Variants in PPM1E observed in about 807,000 individuals in gnomAD.
PPM1E encodes protein phosphatase, Mg2+/Mn2+ dependent 1E.
PPM1E carries 20 observed loss-of-function variants against 65.9 expected under a neutral mutation model. The ratio of observed to expected loss-of-function variants is 0.30; its 90% CI spans 0.21 to 0.44. PPM1E has a LOEUF of 0.44. Ranked by LOEUF, PPM1E falls within the 20% of genes least tolerant of loss-of-function variation. PPM1E has a pLI of 1.00. For missense variants in PPM1E, 713 were observed against 953.1 expected (o/e 0.75, Z 3.32); for synonymous variants, 352 against 374.9 (o/e 0.94, Z 0.70).
intron 1 of PPM1E, among the ~76,000 whole-genome samples, chr17:58,947,621 G>A (rs1033800738): frequency 1.3e-5 from 2 of 149,104 alleles, no homozygotes; most frequent in Non-Finnish European, 3.0e-5. Flanking sequence ...CTACTATCTC[G>A]GTTCTCCTTT....
At chr17:58,870,312 C>T (rs1327985429) in intron 1 of PPM1E, among the ~76,000 whole-genome samples, 3 of 152,222 alleles carry the variant, frequency 2.0e-5, no homozygotes, top group African/African-American at 7.2e-5. Flanking sequence ...TTGAAAATAG[C>T]TCTCCCAGTT....
intron 1 of PPM1E, among the ~76,000 whole-genome samples, chr17:58,858,485 A>C (rs967498172): frequency 2.6e-5 from 4 of 151,772 alleles, no homozygotes; most frequent in African/African-American, 9.7e-5. Context: ...CTCAGCCTCT[A>C]ATATTTTCTG....
chr17:58,761,707 A>C (rs2049822813), intron 1 of PPM1E, among the ~76,000 whole-genome samples: 1 of 152,176 alleles, frequency 6.6e-6, no homozygotes, highest in South Asian at 2.1e-4. Flanking sequence ...GCCTTTGCTT[A>C]CCGTCCTCAC....
intron 1 of PPM1E, among the ~76,000 whole-genome samples, chr17:58,915,178 C>A (rs2065220344): frequency 6.6e-6 from 1 of 152,112 alleles, no homozygotes; most frequent in South Asian, 2.1e-4. Flanking sequence ...GAATGACTAC[C>A]CCATAGACAG....
At chr17:58,964,009 TA>T (rs951876808) in intron 2 of PPM1E, among the ~76,000 whole-genome samples, 3 of 152,244 alleles carry the variant, frequency 2.0e-5, no homozygotes, top group African/African-American at 7.2e-5. Context: ...TATAGCCATT[TA>T]AAAAATAATT....
chr17:58,812,631 G>A (rs1411947324), intron 1 of PPM1E, among the ~76,000 whole-genome samples: 5 of 152,120 alleles, frequency 3.3e-5, no homozygotes, highest in Admixed American at 1.3e-4. Context: ...TTGGTTCACT[G>A]CAACCTCCTC....
intron 1 of PPM1E, among the ~76,000 whole-genome samples, chr17:58,805,974 C>CAAAAAAAAAAAAAAAAAAAAAAAA (rs1341289870): frequency 2.7e-5 from 2 of 74,018 alleles, no homozygotes; most frequent in Admixed American, 1.5e-4. Flanking sequence ...AAAAAAAAAA[C>CAAAAAAAAAAAAAAAAAAAAAAAA]AAAAAAAAAA....
At chr17:58,870,701 G>A (rs2051059696) in intron 1 of PPM1E, among the ~76,000 whole-genome samples, 1 of 152,058 alleles carries the variant, frequency 6.6e-6, no homozygotes, top group Non-Finnish European at 1.5e-5. Flanking sequence ...ACTGTAATTT[G>A]GGGTCATTGC....
chr17:58,949,649 A>G (rs908143425), intron 1 of PPM1E, among the ~76,000 whole-genome samples: 1 of 151,954 alleles, frequency 6.6e-6, no homozygotes, highest in African/African-American at 2.4e-5. Flanking sequence ...TTCTGTAGTG[A>G]TAAGATTATT....
intron 2 of PPM1E, among the ~76,000 whole-genome samples, chr17:58,964,967 C>T (rs1444140365): frequency 1.3e-5 from 2 of 151,662 alleles, no homozygotes; most frequent in African/African-American, 4.8e-5. Context: ...ATCACTTGAA[C>T]CCAGGAGGCG....
intron 1 of PPM1E, among the ~76,000 whole-genome samples, chr17:58,929,960 A>T (rs2051870927): frequency 6.6e-6 from 1 of 152,144 alleles, no homozygotes; most frequent in African/African-American, 2.4e-5. Context: ...TAAAAATGAG[A>T]TACACTGTCA....
intron 5 of PPM1E, 128 bp from the exon 6 acceptor site, chr17:58,972,704 C>G: frequency 1.2e-6 from 1 of 827,232 alleles, no homozygotes. Context: ...CTGTGCCCAC[C>G]CTCCAATGGA....
chr17:58,793,727 A>G (rs2050178990), intron 1 of PPM1E, among the ~76,000 whole-genome samples: 1 of 152,180 alleles, frequency 6.6e-6, no homozygotes, highest in Non-Finnish European at 1.5e-5. Flanking sequence ...TAAATTTTAC[A>G]TTAAATACAA....
intron 1 of PPM1E, among the ~76,000 whole-genome samples, chr17:58,772,972 CTCTT>C (rs1018522578): frequency 2.7e-4 from 28 of 104,398 alleles, no homozygotes; most frequent in African/African-American, 8.0e-4. Flanking sequence ...ATCTTTCTCT[CTCTT>C]TTTTTTTTTT....
intron 1 of PPM1E, among the ~76,000 whole-genome samples, chr17:58,909,249 C>T (rs982694375): frequency 3.3e-5 from 5 of 151,940 alleles, no homozygotes; most frequent in African/African-American, 4.8e-5. Context: ...TCCCCACTGC[C>T]GCTCACCACC....
At chr17:58,770,101 G>C (rs1598559401) in intron 1 of PPM1E, among the ~76,000 whole-genome samples, 1 of 152,026 alleles carries the variant, frequency 6.6e-6, no homozygotes, top group Non-Finnish European at 1.5e-5. Context: ...TATTCTAAAA[G>C]AGTCATGGAT....
At chr17:58,887,421 C>G (rs1222644234) in intron 1 of PPM1E, among the ~76,000 whole-genome samples, 1 of 152,148 alleles carries the variant, frequency 6.6e-6, no homozygotes, top group East Asian at 1.9e-4. Context: ...CCCGTCTCGG[C>G]CTCCCAATGT....
intron 1 of PPM1E, among the ~76,000 whole-genome samples, chr17:58,848,791 A>C (rs1473718712): frequency 6.6e-6 from 1 of 152,250 alleles, no homozygotes; most frequent in African/African-American, 2.4e-5. Context: ...GCCTCATAAA[A>C]TGAATTAGGG....
chr17:58,840,522 C>T (rs2050707718), intron 1 of PPM1E, among the ~76,000 whole-genome samples: 1 of 152,112 alleles, frequency 6.6e-6, no homozygotes, highest in African/African-American at 2.4e-5. Flanking sequence ...TATTATTCTT[C>T]AGTAAGAGTA....
Sources: gnomAD v4.1 joint callset for allele counts (sites outside exome capture counted in the v4.1 genomes callset) on GRCh38, gnomAD v4.1.1 for gene constraint, MANE v1.5 for transcripts, NCBI Gene and HGNC (gene_info 2026-07-23, HGNC 2026-07-21) for gene names.